Variants in PROM1 observed in about 807,000 individuals in gnomAD.
PROM1 encodes the protein prominin 1.
Under a neutral mutation model 116.9 loss-of-function variants are expected in PROM1, and 105 were observed. The ratio of observed to expected loss-of-function variants is 0.90; its 90% confidence interval spans 0.77 to 1.06. The LOEUF is 1.06. Ranked by LOEUF, PROM1 falls within the 50% of genes least tolerant of loss-of-function variation. The probability of loss-of-function intolerance (pLI) is 0.00; values close to 1 mark genes in which losing one functional copy is unlikely to be tolerated. For synonymous variants in PROM1, 393 were observed against 387.0 expected (o/e 1.02, Z -0.18); for missense variants, 1,122 against 1,045.2 (o/e 1.07, Z -1.01).
rs759027470 is a variant in PROM1 at position 15,993,970 on chromosome 4, T to A, written c.1767+17A>T. 30 of 1,609,694 alleles carry A rather than the reference T, an allele frequency of 1.9e-5. No individual in the cohort carries two copies. The South Asian group carries it at 3.3e-4, about 18-fold the overall frequency. On this transcript the variant is annotated intron_variant, in intron 16 of 27. Transcript: ENST00000447510. ...GAAGGAATGTGTTATGTCGATTCCA[T>A]GACGAGTTCTAATTACCTCATTAAT...
At chr4:16,046,855 A>G (rs1384829040) in intron 2 of PROM1, among the ~76,000 whole-genome samples, 1 of 152,160 alleles carries the variant, frequency 6.6e-6, no homozygotes, top group Non-Finnish European at 1.5e-5. Context: ...GACTTTGCTC[A>G]TTTGATTCTT....
intron 2 of PROM1, among the ~76,000 whole-genome samples, chr4:16,044,131 A>G (rs1432644852): frequency 6.6e-6 from 1 of 152,194 alleles, no homozygotes; most frequent in Non-Finnish European, 1.5e-5. Context: ...AAAATAAGAA[A>G]TGTGCCTTGT....
chr4:16,028,577 C>A (rs1731920972), intron 5 of PROM1, among the ~76,000 whole-genome samples: 1 of 152,038 alleles, frequency 6.6e-6, no homozygotes, highest in African/African-American at 2.4e-5. Flanking sequence ...AAATAAAGAA[C>A]AAAGAAATTA....
At chr4:16,047,472 TG>T (rs1356339425) in intron 2 of PROM1, among the ~76,000 whole-genome samples, 1 of 152,176 alleles carries the variant, frequency 6.6e-6, no homozygotes, top group Non-Finnish European at 1.5e-5. Context: ...CCCAAAGTGC[TG>T]GAATTACAGG....
In PROM1 at chr4:15,987,701, T is replaced by TTTA; in HGVS notation, c.2091_2092insTAA (p.Gln697_Ser698insTer). ...CCTGTGCGTTGAAGTATCTTGACGC[T>TTTA]TTGGTATAGAGTGCTCTGGCAAGAA... On this transcript the variant is annotated stop_gained and inframe_insertion, in exon 20 of 28. Coordinates refer to ENST00000447510, the MANE Select transcript of PROM1 (RefSeq NM_006017.3). LOFTEE classifies it high-confidence loss of function. The TTTA allele has an allele frequency of 6.2e-7, 1 of 1,611,366 alleles. No individual in the cohort carries two copies. The highest frequency in any genetic ancestry group is 8.5e-7 in the Non-Finnish European group (1 of 1,179,102).
intron 15 of PROM1, among the ~76,000 whole-genome samples, chr4:15,996,308 G>A (rs1722316546): frequency 1.3e-5 from 2 of 152,126 alleles, no homozygotes; most frequent in Non-Finnish European, 1.5e-5. Context: ...TCAAGAGTTC[G>A]AGACCAGCCT....
rs571357515 is a variant in PROM1 at position 16,043,409 on chromosome 4, C to T, written c.221-4408G>A. On this transcript the variant is annotated intron_variant, in intron 2 of 27. Coordinates refer to ENST00000447510, the MANE Select transcript of PROM1 (RefSeq NM_006017.3). The stretch of plus-strand genomic sequence containing the variant: ...TCATAGCTCACTGCAGCCTCAAACT[C>T]CTGGCCTCAGCCTCCAGAGTAGCTG... Among the ~76,000 whole-genome samples, 9 of 152,318 alleles carry T rather than the reference C, an allele frequency of 5.9e-5. No homozygotes were observed. The South Asian group carries it at 1.9e-3, about 32-fold the overall frequency.
At chr4:15,987,752 C>T in intron 19 of PROM1, 36 bp from the exon 20 acceptor site, 1 of 1,556,442 alleles carries the variant, frequency 6.4e-7, no homozygotes, top group South Asian at 1.1e-5. Flanking sequence ...AAAATTATTA[C>T]ATGAAGCAGC....
intron 26 of PROM1, among the ~76,000 whole-genome samples, chr4:15,977,847 C>T (rs1172198801): frequency 6.6e-6 from 1 of 152,224 alleles, no homozygotes; most frequent in African/African-American, 2.4e-5. Context: ...ATCCACCCGC[C>T]TCGGCTTCCC....
intron 26 of PROM1, among the ~76,000 whole-genome samples, chr4:15,973,428 CAG>C (rs796461252): frequency 6.6e-4 from 101 of 152,278 alleles, no homozygotes; most frequent in African/African-American, 2.3e-3. Context: ...GCCTGTGTGA[CAG>C]AGTGGAATCT....
intron 4 of PROM1, 101 bp from the exon 5 acceptor site, chr4:16,033,610 G>GTTTT: frequency 4.8e-6 from 2 of 415,764 alleles, no homozygotes; most frequent in African/African-American, 4.6e-5. Flanking sequence ...TTTTTTTTGA[G>GTTTT]ACAGGGTCTC....
At chr4:16,068,435 C>T (rs1040039483) in intron 2 of PROM1, among the ~76,000 whole-genome samples, 8 of 152,342 alleles carry the variant, frequency 5.3e-5, no homozygotes, top group Non-Finnish European at 1.0e-4. Flanking sequence ...AAGCTCCCTC[C>T]ATTTCAATCC....
At chr4:16,004,903 CTCCCTT>C (rs1374609257) in intron 13 of PROM1, among the ~76,000 whole-genome samples, 17 of 88,272 alleles carry the variant, frequency 1.9e-4, no homozygotes, top group African/African-American at 5.4e-4. Context: ...CCCTCTCTCT[CTCCCTT>C]CCTTCCTTCC....
chr4:16,038,666 G>A (rs1165531325), intron 3 of PROM1, among the ~76,000 whole-genome samples: 4 of 151,988 alleles, frequency 2.6e-5, no homozygotes, highest in Admixed American at 6.6e-5. Context: ...CTACCAAAGT[G>A]CTGGGATTAC....
chr4:16,019,084 T>C (rs371966692), intron 8 of PROM1, among the ~76,000 whole-genome samples: 24 of 152,276 alleles, frequency 1.6e-4, no homozygotes, highest in African/African-American at 5.3e-4. Context: ...TCTGAGCCAA[T>C]TTCCTCATCT....
At chr4:15,996,496 C>A (rs141170364) in intron 15 of PROM1, among the ~76,000 whole-genome samples, 1 of 148,714 alleles carries the variant, frequency 6.7e-6, no homozygotes, top group Admixed American at 6.9e-5. Context: ...GGTGATAGAG[C>A]GAGACTCCAT....
intron 5 of PROM1, among the ~76,000 whole-genome samples, chr4:16,026,396 T>G (rs1731285524): frequency 6.6e-6 from 1 of 150,628 alleles, no homozygotes; most frequent in Non-Finnish European, 1.5e-5. Context: ...AGCCGAACTA[T>G]TTTTACCTGC....
At position 15,968,887 on chromosome 4, in the gene PROM1, A is replaced by G. The variant is rs1713693078; in HGVS notation, c.*506T>C. On this transcript the variant is annotated 3_prime_UTR_variant, in exon 28 of 28. Coordinates refer to ENST00000447510, the MANE Select transcript of PROM1 (RefSeq NM_006017.3). ...AAGTCAATGGTGACTTATTTAGCTC[A>G]TTTAGAAGAAAGTCCTATAATACTC... The G allele has an allele frequency of 6.6e-6, 1 of 152,254 alleles. No homozygotes were observed. Among genetic ancestry groups the G allele is most frequent in the African/African-American group, 2.4e-5 (1 of 41,462 alleles). 9.4% of individuals were successfully genotyped at this position (152,254 alleles called of 1,614,324 possible).
intron 2 of PROM1, among the ~76,000 whole-genome samples, chr4:16,040,612 G>T (rs1191320354): frequency 1.3e-5 from 2 of 152,190 alleles, no homozygotes; most frequent in Non-Finnish European, 2.9e-5. Flanking sequence ...TCCAAGCTCC[G>T]CCACTTAACT....
Sources: allele counts gnomAD v4.1 joint callset (sites outside exome capture counted in the v4.1 genomes callset), GRCh38; gene constraint gnomAD v4.1.1; transcripts MANE v1.5; gene names NCBI Gene and HGNC (gene_info 2026-07-23, HGNC 2026-07-21).